OR52N4: variants seen among roughly 807,000 people sequenced by gnomAD.
OR52N4 encodes the protein olfactory receptor 52N4.
Under a neutral mutation model 15.0 loss-of-function variants are expected in OR52N4, and 15 were observed. The ratio of observed to expected loss-of-function variants is 1.00; its 90% CI spans 0.67 to 1.54. The LOEUF (loss-of-function observed/expected upper bound fraction) is 1.54, where lower values mean the gene tolerates loss of function less well. Among genes scored for constraint, OR52N4 ranks in the 40% most tolerant of loss-of-function variants. The pLI is 0.00. For synonymous variants in OR52N4, 143 were observed against 143.7 expected (o/e 1.00, Z 0.03); for missense variants, 421 against 394.0 (o/e 1.07, Z -0.58).
chr11:5,733,179 G>A, the OR52N4 span, among the ~76,000 whole-genome samples: 6 of 152,152 alleles, frequency 3.9e-5, no homozygotes, highest in Non-Finnish European at 7.4e-5. Flanking sequence ...CCTTTTCAGT[G>A]GCTCCATATT....
At chr11:5,727,717 G>T in the OR52N4 span, among the ~76,000 whole-genome samples, 4 of 152,072 alleles carry the variant, frequency 2.6e-5, no homozygotes, top group Non-Finnish European at 5.9e-5. Context: ...GTTCTGGAGG[G>T]TTTCTACCCT....
chr11:5,743,821 A>C, the OR52N4 span, among the ~76,000 whole-genome samples: 1 of 152,196 alleles, frequency 6.6e-6, no homozygotes. Context: ...TACCTCAAGG[A>C]ACCAGACAAA....
rs34221828 is a variant in OR52N4 at position 5,754,673 on chromosome 11, G to GTTTT, written c.-48-12_-48-9dup. Reference sequence around the variant, plus strand: ...GTAAAAATAACCTATATTTTCTCTTGTTTTTTTTTTTAACTCTAGGAAAGC... The same window carrying GTTTT: ...GTAAAAATAACCTATATTTTCTCTTGTTTTTTTTTTTTTTTAACTCTAGGAAAGC... On this transcript the variant is annotated intron_variant, in intron 1 of 1. Coordinates refer to ENST00000641350, the MANE Select transcript of OR52N4 (RefSeq NM_001005175.5). 69 of 1,205,154 alleles carry GTTTT rather than the reference G, an allele frequency of 5.7e-5. No homozygotes were observed. Among genetic ancestry groups the GTTTT allele is most frequent in the African/African-American group, 2.4e-4 (15 of 63,230 alleles). 74.7% of individuals were successfully genotyped at this position (1,205,154 alleles called of 1,614,324 possible). A position where few individuals can be genotyped will look rare whatever the true frequency, so the allele number is the denominator to read the frequency against.
At chr11:5,732,159 A>G in the OR52N4 span, among the ~76,000 whole-genome samples, 1 of 152,130 alleles carries the variant, frequency 6.6e-6, no homozygotes, top group African/African-American at 2.4e-5. Flanking sequence ...CTGAACCTTT[A>G]TACACTTTGG....
the OR52N4 span, among the ~76,000 whole-genome samples, chr11:5,731,308 T>C: frequency 1.1e-4 from 17 of 152,334 alleles, no homozygotes; most frequent in Middle Eastern, 3.4e-3. Context: ...TCTCATTCAT[T>C]GTAAATGAGC....
Sources: gnomAD v4.1 joint callset for allele counts (sites outside exome capture counted in the v4.1 genomes callset) on GRCh38, gnomAD v4.1.1 for gene constraint, MANE v1.5 for transcripts, NCBI Gene and HGNC (gene_info 2026-07-23, HGNC 2026-07-21) for gene names.